Variants in SLC25A42 observed in about 807,000 individuals in gnomAD.
SLC25A42 encodes solute carrier family 25 member 42.
SLC25A42 carries 19 observed loss-of-function variants against 34.7 expected under a neutral mutation model. The observed-to-expected ratio is 0.55, with a 90% CI of 0.38 to 0.80. SLC25A42 has a LOEUF of 0.80. SLC25A42 is among the 30% of genes least tolerant of loss of function. The pLI, the probability that SLC25A42 is intolerant of heterozygous loss-of-function variation, is 0.00. For synonymous variants in SLC25A42, 205 were observed against 191.2 expected (o/e 1.07, Z -0.59); for missense variants, 364 against 441.3 (o/e 0.82, Z 1.57).
At chr19:19,090,132 G>A (rs7256152) in intron 1 of SLC25A42, among the ~76,000 whole-genome samples, 2,947 of 152,218 alleles carry the variant, frequency 0.019, 90 homozygotes, top group African/African-American at 0.067. Context: ...GTTACATTTT[G>A]AGAAGGCCAA....
At chr19:19,096,029 G>A (rs1177758943) in intron 1 of SLC25A42, 62 bp from the exon 2 acceptor site, 37 of 1,141,686 alleles carry the variant, frequency 3.2e-5, no homozygotes, top group Non-Finnish European at 4.6e-5. Flanking sequence ...GAAAAGGCTG[G>A]TGGAACACCC....
chr19:19,096,642 A>G (rs998128813), intron 2 of SLC25A42, among the ~76,000 whole-genome samples: 5 of 152,106 alleles, frequency 3.3e-5, no homozygotes, highest in African/African-American at 1.2e-4. Context: ...TGGAACACTA[A>G]GGAATTAGCC....
At chr19:19,071,804 T>G (rs1042358956) in intron 1 of SLC25A42, among the ~76,000 whole-genome samples, 6 of 151,678 alleles carry the variant, frequency 4.0e-5, no homozygotes, top group Admixed American at 1.3e-4. Context: ...AGGCAGAGGT[T>G]GCACTGAGCC....
chr19:19,091,953 C>T (rs146777145), intron 1 of SLC25A42, among the ~76,000 whole-genome samples: 42 of 152,320 alleles, frequency 2.8e-4, no homozygotes, highest in Middle Eastern at 3.4e-3. Context: ...TGCCCTGGGG[C>T]CCTCTTCCTC....
In SLC25A42 at chr19:19,110,748, G is replaced by C. The variant is rs1214871623; in HGVS notation, c.829G>C (p.Glu277Gln). 5 of 1,612,608 alleles carry C rather than the reference G, an allele frequency of 3.1e-6. No individual in the cohort carries two copies. The highest frequency in any genetic ancestry group is 4.2e-6 in the Non-Finnish European group (5 of 1,179,638). Reference protein sequence around the residue: ...IARTLRTIVREEGAVRGLYKG... With the variant: ...IARTLRTIVRQEGAVRGLYKG... Reference sequence around the variant, plus strand: ...CCGCACGCTGCGCACCATCGTGCGGGAGGAGGGCGCCGTGCGCGGCCTCTA... The same window carrying C: ...CCGCACGCTGCGCACCATCGTGCGGCAGGAGGGCGCCGTGCGCGGCCTCTA... The change falls in exon 8 of 8, where the codon GAG becomes CAG. Residue 277 changes from glutamate (E) to glutamine (Q), a missense_variant. Coordinates refer to ENST00000318596, the MANE Select transcript of SLC25A42 (RefSeq NM_178526.5).
intron 1 of SLC25A42, among the ~76,000 whole-genome samples, chr19:19,069,983 A>C (rs1422619873): frequency 6.6e-6 from 1 of 150,850 alleles, no homozygotes; most frequent in Non-Finnish European, 1.5e-5. Flanking sequence ...GCACCACCAC[A>C]TCCAGCTAAT....
intron 2 of SLC25A42, among the ~76,000 whole-genome samples, chr19:19,098,656 C>T (rs1280065663): frequency 1.3e-5 from 2 of 151,936 alleles, no homozygotes; most frequent in African/African-American, 2.4e-5. Flanking sequence ...CGCTGGCTCT[C>T]GCCTGTAATC....
chr19:19,099,285 C>G (rs909220269), intron 2 of SLC25A42, among the ~76,000 whole-genome samples: 3 of 152,126 alleles, frequency 2.0e-5, no homozygotes, highest in African/African-American at 4.8e-5. Context: ...GAAACAAAAT[C>G]GCTGTGCAAT....
intron 1 of SLC25A42, among the ~76,000 whole-genome samples, chr19:19,076,289 C>T (rs1402581677): frequency 6.6e-6 from 1 of 151,642 alleles, no homozygotes; most frequent in African/African-American, 2.4e-5. Flanking sequence ...ATGGTGAAAC[C>T]CTATCTCTAC....
intron 2 of SLC25A42, among the ~76,000 whole-genome samples, chr19:19,100,420 C>T (rs1285036197): frequency 6.6e-6 from 1 of 152,172 alleles, no homozygotes; most frequent in East Asian, 1.9e-4. Context: ...TAGCACCCAC[C>T]TCTCTTTGCC....
chr19:19,072,456 C>T (rs1264536097), intron 1 of SLC25A42, among the ~76,000 whole-genome samples: 1 of 146,868 alleles, frequency 6.8e-6, no homozygotes, highest in African/African-American at 2.5e-5. Context: ...TGGCTCACTG[C>T]AGTCTCTGCC....
chr19:19,072,178 A>G (rs1226681561), intron 1 of SLC25A42, among the ~76,000 whole-genome samples: 2 of 152,170 alleles, frequency 1.3e-5, no homozygotes, highest in Non-Finnish European at 2.9e-5. Flanking sequence ...ATCATGGATC[A>G]TGGGGAAGCC....
At chr19:19,107,045 C>G (rs955064785) in intron 6 of SLC25A42, 1 of 150,816 alleles carries the variant, frequency 6.6e-6, no homozygotes, top group Non-Finnish European at 1.5e-5. Context: ...GGCCCAGGTG[C>G]GGTGGCCCAT....
rs372295259 is a variant in SLC25A42, at chr19:19,075,968, AG to A, written c.-35+11854del. Among the ~76,000 whole-genome samples, 380 of 152,262 alleles carry A rather than the reference AG, an allele frequency of 2.5e-3. 6 individuals are homozygous for A. The South Asian group carries it at 0.036, about 14-fold the overall frequency. On this transcript the variant is annotated intron_variant, in intron 1 of 7. Coordinates refer to ENST00000318596, the MANE Select transcript of SLC25A42 (RefSeq NM_178526.5). ...GCACCCTGAACCTAGGGGAGTGTGA[AG>A]TCTCATTACCTGACCATGGCCACCT...
At chr19:19,099,782 T>G (rs1008869029) in intron 2 of SLC25A42, among the ~76,000 whole-genome samples, 1 of 152,018 alleles carries the variant, frequency 6.6e-6, no homozygotes, top group Non-Finnish European at 1.5e-5. Flanking sequence ...GTCTGGAGAA[T>G]AGTGGTGCAA....
intron 1 of SLC25A42, among the ~76,000 whole-genome samples, chr19:19,087,982 G>A (rs559297877): frequency 1.2e-4 from 19 of 152,270 alleles, no homozygotes; most frequent in African/African-American, 4.6e-4. Context: ...TTGGAAGGGG[G>A]GCCAGTGTTA....
intron 7 of SLC25A42, among the ~76,000 whole-genome samples, 178 bp from the exon 8 acceptor site, chr19:19,110,390 AC>A (rs2059856232): frequency 1.3e-5 from 2 of 152,134 alleles, no homozygotes; most frequent in Non-Finnish European, 2.9e-5. Context: ...GAAAGGAGCG[AC>A]CCGGAGGTGA....
intron 1 of SLC25A42, among the ~76,000 whole-genome samples, chr19:19,084,732 C>T (rs79246305): frequency 0.019 from 2,933 of 152,130 alleles, 99 homozygotes; most frequent in African/African-American, 0.068. Context: ...GTGCAGGTCA[C>T]CTGGGGGAAG....
chr19:19,110,507 C>CGGGTGCG, intron 7 of SLC25A42, 62 bp from the exon 8 acceptor site: 1 of 1,341,024 alleles, frequency 7.5e-7, no homozygotes, highest in Non-Finnish European at 9.6e-7. Context: ...GGCGCGCGCA[C>CGGGTGCG]GGGTGCGGGG....
Sources: gnomAD v4.1 joint callset for allele counts (sites outside exome capture counted in the v4.1 genomes callset) on GRCh38, gnomAD v4.1.1 for gene constraint, MANE v1.5 for transcripts, NCBI Gene and HGNC (gene_info 2026-07-23, HGNC 2026-07-21) for gene names.